The following CELF4 variants were observed in gnomAD, a reference collection of about 807,000 sequenced individuals.
CELF4 encodes the protein CUG-BP- and ETR-3-like factor 4.
CELF4 carries 18 observed loss-of-function variants against 59.9 expected under a neutral mutation model. That is an observed-to-expected ratio of 0.30 (90% CI 0.21 to 0.45). The LOEUF is 0.45. Ranked by LOEUF, CELF4 falls within the 20% of genes least tolerant of loss-of-function variation. CELF4 has a pLI of 1.00. For missense variants in CELF4, 456 were observed against 689.0 expected (o/e 0.66, Z 3.79); for synonymous variants, 261 against 267.1 (o/e 0.98, Z 0.22).
intron 2 of CELF4, among the ~76,000 whole-genome samples, chr18:37,355,885 G>A (rs1175690072): frequency 6.6e-6 from 1 of 152,194 alleles, no homozygotes; most frequent in East Asian, 1.9e-4. Context: ...AGACTCAGCA[G>A]GCCTCTGCTA....
At chr18:37,525,548 T>C (rs1160123377) in intron 1 of CELF4, among the ~76,000 whole-genome samples, 6 of 150,940 alleles carry the variant, frequency 4.0e-5, no homozygotes, top group African/African-American at 1.5e-4. Context: ...TGAGCAAATA[T>C]TTTCACATTT....
chr18:37,426,484 C>T (rs1259996583), intron 2 of CELF4, among the ~76,000 whole-genome samples: 1 of 152,216 alleles, frequency 6.6e-6, no homozygotes, highest in Non-Finnish European at 1.5e-5. Context: ...TCAATGACCA[C>T]CCAGGGGCTG....
intron 3 of CELF4, among the ~76,000 whole-genome samples, chr18:37,296,559 C>A (rs1306996709): frequency 6.6e-6 from 1 of 152,110 alleles, no homozygotes; most frequent in Non-Finnish European, 1.5e-5. Flanking sequence ...CCTCAGGACC[C>A]TCATTGGTTT....
intron 1 of CELF4, among the ~76,000 whole-genome samples, chr18:37,562,971 C>CCACTAGCAAGCTG (rs749701223): frequency 5.3e-5 from 8 of 152,116 alleles, no homozygotes; most frequent in Non-Finnish European, 1.0e-4. Context: ...GCCTGCTTGC[C>CCACTAGCAAGCTG]ACTGACTGAG....
chr18:37,451,420 T>C (rs2099763532), intron 2 of CELF4, among the ~76,000 whole-genome samples: 1 of 152,174 alleles, frequency 6.6e-6, no homozygotes, highest in African/African-American at 2.4e-5. Flanking sequence ...TGTGTATGCA[T>C]GTGTCTTTTG....
intron 2 of CELF4, among the ~76,000 whole-genome samples, chr18:37,444,474 A>T (rs1324517734): frequency 6.6e-6 from 1 of 152,076 alleles, no homozygotes; most frequent in Non-Finnish European, 1.5e-5. Context: ...TGGTGAGGTC[A>T]CTTATGAATA....
intron 3 of CELF4, among the ~76,000 whole-genome samples, chr18:37,307,337 C>T (rs1045118427): frequency 6.6e-6 from 1 of 152,106 alleles, no homozygotes; most frequent in African/African-American, 2.4e-5. Flanking sequence ...TGTCACTCAG[C>T]GAAAATGAAT....
intron 2 of CELF4, among the ~76,000 whole-genome samples, chr18:37,436,705 G>A (rs1209114158): frequency 6.6e-6 from 1 of 152,196 alleles, no homozygotes; most frequent in African/African-American, 2.4e-5. Context: ...GCCCTTTGAA[G>A]GGATGGTCAG....
intron 3 of CELF4, among the ~76,000 whole-genome samples, chr18:37,283,930 C>CATACACGTACACACACAT (rs2094442988): frequency 8.8e-4 from 1 of 1,134 alleles, no homozygotes; most frequent in Non-Finnish European, 2.2e-3. Flanking sequence ...CACACACACA[C>CATACACGTACACACACAT]CAATACATGC....
chr18:37,430,800 G>A (rs953111940), intron 2 of CELF4, among the ~76,000 whole-genome samples: 2 of 152,226 alleles, frequency 1.3e-5, no homozygotes, highest in African/African-American at 4.8e-5. Context: ...TGAGCAAAGT[G>A]CACTCCCACC....
At chr18:37,272,910 G>T in intron 7 of CELF4, 106 bp downstream of exon 7, 1 of 1,157,224 alleles carries the variant, frequency 8.6e-7, no homozygotes, top group South Asian at 1.5e-5. Flanking sequence ...CAGACACTAT[G>T]TGCTTTTGCC....
At chr18:37,464,733 CA>C (rs1337414560) in intron 2 of CELF4, among the ~76,000 whole-genome samples, 3 of 151,962 alleles carry the variant, frequency 2.0e-5, no homozygotes, top group Non-Finnish European at 4.4e-5. Context: ...TGGAGAAGCC[CA>C]AATTTTAGCC....
At chr18:37,350,412 G>A (rs926485414) in intron 2 of CELF4, among the ~76,000 whole-genome samples, 23 of 152,102 alleles carry the variant, frequency 1.5e-4, no homozygotes, top group Non-Finnish European at 1.8e-4. Flanking sequence ...TCACTCACCC[G>A]GACAAATCTG....
chr18:37,258,680 A>G (rs1030544128), intron 11 of CELF4, among the ~76,000 whole-genome samples: 16 of 152,096 alleles, frequency 1.1e-4, no homozygotes. Flanking sequence ...AGGGGTGGGC[A>G]GGAGAGGGGC....
At chr18:37,491,085 T>C (rs1253365185) in intron 1 of CELF4, among the ~76,000 whole-genome samples, 1 of 152,046 alleles carries the variant, frequency 6.6e-6, no homozygotes, top group Non-Finnish European at 1.5e-5. Flanking sequence ...AGTGCTGCCC[T>C]CAGCAGCTGA....
At chr18:37,402,175 CG>C (rs1318805266) in intron 2 of CELF4, among the ~76,000 whole-genome samples, 1 of 152,148 alleles carries the variant, frequency 6.6e-6, no homozygotes, top group Non-Finnish European at 1.5e-5. Context: ...CATGCTGAGG[CG>C]GTGAATACAT....
chr18:37,263,107 C>G (rs1164766485), intron 10 of CELF4, among the ~76,000 whole-genome samples: 2 of 152,162 alleles, frequency 1.3e-5, no homozygotes, highest in African/African-American at 4.8e-5. Context: ...TGGGGGCAGA[C>G]TCAGCCGGCT....
intron 2 of CELF4, among the ~76,000 whole-genome samples, chr18:37,322,479 C>A (rs111395123): frequency 6.6e-5 from 10 of 152,336 alleles, no homozygotes; most frequent in African/African-American, 2.4e-4. Context: ...TCAGGGAGTG[C>A]GTGGAGTGGG....
intron 3 of CELF4, among the ~76,000 whole-genome samples, chr18:37,287,098 C>T (rs1194262671): frequency 6.6e-6 from 1 of 152,156 alleles, no homozygotes; most frequent in Non-Finnish European, 1.5e-5. Context: ...CACCTGGAGG[C>T]TTCGACAAGC....
Sources: allele counts gnomAD v4.1 joint callset (sites outside exome capture counted in the v4.1 genomes callset), GRCh38; gene constraint gnomAD v4.1.1; transcripts MANE v1.5; gene names NCBI Gene and HGNC (gene_info 2026-07-23, HGNC 2026-07-21).